The following DYSF variants were observed in gnomAD, a reference collection of about 807,000 sequenced individuals.
DYSF encodes the protein dystrophy-associated fer-1-like 1.
A neutral mutation model predicts 274.9 loss-of-function variants in DYSF; 212 were observed. The ratio of observed to expected loss-of-function variants is 0.77; its 90% CI spans 0.69 to 0.86. DYSF has a LOEUF of 0.86. DYSF is among the 40% of genes least tolerant of loss of function. DYSF has a pLI of 0.00. For missense variants in DYSF, 2,666 were observed against 2,783.2 expected, an observed-to-expected ratio of 0.96 and a Z score of 0.95; for synonymous variants, 1,091 against 1,078.7, an observed-to-expected ratio of 1.01 and a Z score of -0.22.
At chr2:71,585,514 A>G (rs2093036278) in intron 30 of DYSF, among the ~76,000 whole-genome samples, 1 of 152,192 alleles carries the variant, frequency 6.6e-6, no homozygotes, top group African/African-American at 2.4e-5. Flanking sequence ...AGGCCTTGTT[A>G]CTTGCTTTGA....
Position 71,600,724 on chromosome 2 carries a change from G to C in DYSF, c.3779G>C (p.Arg1260Pro). The C allele has an allele frequency of 6.2e-7, 1 of 1,614,068 alleles. No homozygotes were observed. The highest frequency in any genetic ancestry group is 8.5e-7 in the Non-Finnish European group (1 of 1,180,034). Residue 1260 changes from arginine to proline, a missense_variant, in exon 34 of 56, where the codon CGC (arginine) becomes CCC (proline). This residue lies in a region of DYSF where 1,460 missense variants were observed against 1,502.1 expected (regional missense o/e 0.97). Transcript: ENST00000410020. ...TAGGGTGCAGACGAGTTTATGGGTCGCTGCATCTGTCAACCGAGTCTGGAA... is the reference window on the plus strand; with the variant it reads ...TAGGGTGCAGACGAGTTTATGGGTCCCTGCATCTGTCAACCGAGTCTGGAA... ...DTYGADEFMGRCICQPSLERM... is the reference protein window; with the variant it reads ...DTYGADEFMGPCICQPSLERM...
intron 16 of DYSF, among the ~76,000 whole-genome samples, chr2:71,538,005 G>A (rs10170495): frequency 2.0e-5 from 3 of 152,198 alleles, no homozygotes; most frequent in East Asian, 1.9e-4. Context: ...GGTTTTGACC[G>A]CAGGTCTAGC....
chr2:71,601,974 G>A (rs1433894273), intron 35 of DYSF, among the ~76,000 whole-genome samples: 1 of 152,218 alleles, frequency 6.6e-6, no homozygotes, highest in Non-Finnish European at 1.5e-5. Context: ...GTATCAACTT[G>A]CCCTCCAGGG....
rs759417298 is a variant in DYSF, at chr2:71,556,005, A to G, written c.2150A>G (p.Gln717Arg). The part of the protein sequence containing the change: ...LEQVHLALKA[Q>R]CSTEDVDSLV... ...CAGGTCCACCTGGCCCTGAAGGCGC[A>G]GTGCTCCACGGAGGACGTGGACTCG... Residue 717 changes from glutamine to arginine, a missense_variant, in exon 22 of 56, where the codon CAG becomes CGG. This residue lies in a region of DYSF where 412 missense variants were observed against 504.0 expected (regional missense o/e 0.82). Transcript: ENST00000410020. 2 of 1,575,650 alleles carry G rather than the reference A, an allele frequency of 1.3e-6. No homozygotes were observed. Among genetic ancestry groups the G allele is most frequent in the South Asian group, 2.3e-5 (2 of 85,570 alleles).
At position 71,568,326 on chromosome 2, in the gene DYSF, G is replaced by A. The variant is rs2092231415; in HGVS notation, c.2852G>A (p.Cys951Tyr). 2.5e-6 allele frequency: 4 copies of A among 1,614,154 alleles called. No individual in the cohort carries two copies. Among genetic ancestry groups the A allele is most frequent in the East Asian group, 2.2e-5 (1 of 44,862 alleles). Residue 951 changes from cysteine (C) to tyrosine (Y), a missense_variant, in exon 26 of 56, where the codon TGT becomes TAT. Transcript: ENST00000410020. Reference sequence around the variant, plus strand: ...ACCTGGGCTGGAGATTGGTTCGTGTGTCCGGAGAAGACGTGAGTCGTGGGC... The same window carrying A: ...ACCTGGGCTGGAGATTGGTTCGTGTATCCGGAGAAGACGTGAGTCGTGGGC... ...GWTWAGDWFV[C>Y]PEKTLLHDMD...
intron 36 of DYSF, among the ~76,000 whole-genome samples, chr2:71,605,616 G>T (rs1287881819): frequency 6.6e-6 from 1 of 152,082 alleles, no homozygotes; most frequent in Non-Finnish European, 1.5e-5. Context: ...TGGTGGGAGG[G>T]ATCGTATGCT....
At chr2:71,632,168 C>T (rs1041115718) in intron 41 of DYSF, among the ~76,000 whole-genome samples, 4 of 152,178 alleles carry the variant, frequency 2.6e-5, no homozygotes, top group African/African-American at 7.2e-5. Context: ...ACTGGCTACT[C>T]CCTAGCCTGG....
rs745964080 is a variant in DYSF at position 71,669,220 on chromosome 2, C to T, written c.5642+13C>T. ...TTTATGTGAAAGGGTAGGGAGCCAG[C>T]GTCCTCTTGCCTGTCCAGCTTCCCG... is the stretch of plus-strand genomic sequence containing the variant. On this transcript the variant is annotated intron_variant, in intron 50 of 55. Coordinates refer to ENST00000410020, the MANE Select transcript of DYSF (RefSeq NM_001130987.2). 2.7e-5 allele frequency: 43 copies of T among 1,588,458 alleles called. No individual in the cohort carries two copies. The East Asian group carries it at 6.3e-4, about 23-fold the overall frequency.
At position 71,526,321 on chromosome 2, in the gene DYSF, C is replaced by T. The variant is rs2152748659; in HGVS notation, c.1251C>T (p.Val417=). Residue 417 remains valine, a synonymous_variant, in exon 13 of 56, where the codon GTC becomes GTT. Transcript: ENST00000410020. The part of the protein sequence containing the change: ...ALRGAHFCLK[V]FRAEDLPQMD... ...GAGGAGCCCACTTCTGCCTGAAGGT[C>T]TTCCGGGCCGAGGACTTGCCGCAGA... 1 of 1,610,696 alleles carries T rather than the reference C, an allele frequency of 6.2e-7. No individual in the cohort carries two copies. Among genetic ancestry groups the T allele is most frequent in the Non-Finnish European group, 8.5e-7 (1 of 1,178,206 alleles).
intron 1 of DYSF, among the ~76,000 whole-genome samples, chr2:71,459,936 CA>C (rs1048753818): frequency 1.2e-4 from 18 of 152,214 alleles, no homozygotes; most frequent in Non-Finnish European, 7.3e-5. Flanking sequence ...ACAGGCCCCT[CA>C]AGCCCTTCCT....
intron 54 of DYSF, 43 bp from the exon 55 acceptor site, chr2:71,682,487 C>G (rs565739131): frequency 6.2e-6 from 10 of 1,613,652 alleles, no homozygotes; most frequent in Non-Finnish European, 8.5e-6. Context: ...GAAAGCAGCC[C>G]TAGTAAAGGA....
chr2:71,633,208 G>T (rs1484061631), intron 41 of DYSF, among the ~76,000 whole-genome samples: 6 of 152,182 alleles, frequency 3.9e-5, no homozygotes, highest in Non-Finnish European at 8.8e-5. Flanking sequence ...TGTGGCTTTG[G>T]GGGGCATAAG....
chr2:71,544,499 G>A (rs1189404980), intron 17 of DYSF, among the ~76,000 whole-genome samples: 3 of 118,606 alleles, frequency 2.5e-5, no homozygotes, highest in South Asian at 2.5e-4. Flanking sequence ...TGCTCTTTTC[G>A]CCCAGCCTGT....
chr2:71,636,478 A>T (rs1294584747), intron 41 of DYSF, among the ~76,000 whole-genome samples: 2 of 151,480 alleles, frequency 1.3e-5, no homozygotes, highest in Non-Finnish European at 2.9e-5. Context: ...AACAGGAGTC[A>T]AAGGTGAGTG....
chr2:71,642,332 G>T (rs1203581681), intron 41 of DYSF, among the ~76,000 whole-genome samples: 1 of 152,204 alleles, frequency 6.6e-6, no homozygotes, highest in Non-Finnish European at 1.5e-5. Flanking sequence ...GGGCATATGT[G>T]TGTTTTAGCA....
chr2:71,546,117 T>C (rs2090447148), intron 17 of DYSF, among the ~76,000 whole-genome samples: 1 of 152,264 alleles, frequency 6.6e-6, no homozygotes, highest in Non-Finnish European at 1.5e-5. Flanking sequence ...GGTGGGTCCC[T>C]TTCTGGGGCC....
At chr2:71,619,412 A>G (rs968373292) in intron 40 of DYSF, among the ~76,000 whole-genome samples, 1 of 151,946 alleles carries the variant, frequency 6.6e-6, no homozygotes, top group Non-Finnish European at 1.5e-5. Context: ...GTGTCTTTTC[A>G]CAGAGCAGGG....
At chr2:71,565,033 A>G (rs2091998005) in intron 24 of DYSF, among the ~76,000 whole-genome samples, 1 of 151,744 alleles carries the variant, frequency 6.6e-6, no homozygotes, top group Non-Finnish European at 1.5e-5. Flanking sequence ...GCTGTCAGCA[A>G]GGCTGCCCCT....
intron 24 of DYSF, among the ~76,000 whole-genome samples, chr2:71,565,711 A>G (rs184806216): frequency 7.9e-5 from 12 of 152,296 alleles, no homozygotes; most frequent in African/African-American, 2.2e-4. Context: ...TTGGAGCTCT[A>G]TGTGGCCTTG....
Sources: allele counts gnomAD v4.1 joint callset (sites outside exome capture counted in the v4.1 genomes callset), GRCh38; gene constraint gnomAD v4.1.1; regional missense constraint gnomAD v4.1.1; transcripts MANE v1.5; gene names NCBI Gene and HGNC (gene_info 2026-07-23, HGNC 2026-07-21).